Variants in EYS observed in about 807,000 individuals in gnomAD.
The protein encoded by EYS is protein eyes shut homolog.
A neutral mutation model predicts 282.1 loss-of-function variants in EYS; 250 were observed. That is an observed-to-expected ratio of 0.89 (90% CI 0.80 to 0.98). The LOEUF (loss-of-function observed/expected upper bound fraction) is 0.98, where lower values mean the gene tolerates loss of function less well. Ranked by LOEUF, EYS falls within the 50% of genes least tolerant of loss-of-function variation. EYS has a pLI of 0.00. For synonymous variants in EYS, 1,355 were observed against 1,282.9 expected (o/e 1.06, Z -1.20); for missense variants, 4,016 against 3,709.0 (o/e 1.08, Z -2.15).
chr6:65,477,605 T>G (rs900182422), intron 5 of EYS, among the ~76,000 whole-genome samples: 12 of 152,166 alleles, frequency 7.9e-5, no homozygotes, highest in Non-Finnish European at 1.6e-4. Flanking sequence ...GGAAGCCAAT[T>G]GACGCATTCA....
At chr6:64,118,508 CCTAT>C (rs1773465699) in intron 31 of EYS, among the ~76,000 whole-genome samples, 1 of 151,970 alleles carries the variant, frequency 6.6e-6, no homozygotes, top group South Asian at 2.1e-4. Flanking sequence ...AAACTAGATC[CCTAT>C]CTCTCACCAT....
intron 29 of EYS, among the ~76,000 whole-genome samples, chr6:64,336,413 C>T (rs1468811501): frequency 2.0e-5 from 3 of 152,058 alleles, no homozygotes; most frequent in African/African-American, 7.2e-5. Flanking sequence ...CCTTGTCCAA[C>T]AGGAAAATGT....
At chr6:64,880,381 C>A (rs1301001840) in intron 19 of EYS, among the ~76,000 whole-genome samples, 1 of 151,720 alleles carries the variant, frequency 6.6e-6, no homozygotes, top group African/African-American at 2.4e-5. Context: ...ATCAAAGCTT[C>A]TTTTTTGCTT....
intron 22 of EYS, among the ~76,000 whole-genome samples, chr6:64,704,024 T>A (rs1477481153): frequency 1.3e-5 from 2 of 152,004 alleles, no homozygotes; most frequent in African/African-American, 4.8e-5. Context: ...TAAACAGTTC[T>A]ACATCTAATA....
chr6:64,404,823 A>G (rs1380631607), intron 28 of EYS, among the ~76,000 whole-genome samples: 1 of 152,108 alleles, frequency 6.6e-6, no homozygotes, highest in African/African-American at 2.4e-5. Flanking sequence ...GGAACAGTAT[A>G]TACAAAAGTT....
At chr6:64,759,707 G>A (rs1583124991) in intron 22 of EYS, among the ~76,000 whole-genome samples, 2 of 152,198 alleles carry the variant, frequency 1.3e-5, no homozygotes. Flanking sequence ...ACAAATGATT[G>A]CAGGAATTCA....
intron 28 of EYS, among the ~76,000 whole-genome samples, chr6:64,391,852 C>T (rs1388598178): frequency 6.6e-6 from 1 of 152,162 alleles, no homozygotes; most frequent in African/African-American, 2.4e-5. Context: ...ACAGTCAAGT[C>T]CCTTCAGTGT....
chr6:64,221,301 A>G (rs1314728201), intron 31 of EYS, among the ~76,000 whole-genome samples: 1 of 152,120 alleles, frequency 6.6e-6, no homozygotes, highest in Non-Finnish European at 1.5e-5. Flanking sequence ...TTAGGTCACG[A>G]GGACAAAGTG....
At chr6:64,395,270 TC>T (rs1773320606) in intron 28 of EYS, among the ~76,000 whole-genome samples, 1 of 152,140 alleles carries the variant, frequency 6.6e-6, no homozygotes, top group Admixed American at 6.5e-5. Context: ...GACCCAGCCA[TC>T]CCATTACTGG....
chr6:65,076,139 T>G (rs1774044871), intron 12 of EYS, among the ~76,000 whole-genome samples: 1 of 152,148 alleles, frequency 6.6e-6, no homozygotes, highest in African/African-American at 2.4e-5. Context: ...TACATGCTAC[T>G]TATACAAATT....
At chr6:64,005,467 G>A (rs1261755246) in intron 33 of EYS, among the ~76,000 whole-genome samples, 2 of 152,042 alleles carry the variant, frequency 1.3e-5, no homozygotes, top group Non-Finnish European at 2.9e-5. Flanking sequence ...AAGCTCTTTA[G>A]TTTAATTAGG....
intron 35 of EYS, among the ~76,000 whole-genome samples, chr6:63,927,514 G>A (rs1764751115): frequency 6.6e-6 from 1 of 152,168 alleles, no homozygotes; most frequent in Admixed American, 6.5e-5. Context: ...GAATTGAGAT[G>A]GATGTTCCTT....
rs1422457506 is a variant in EYS at position 64,803,385 on chromosome 6, G to C, written c.3443+9993C>G. ...GGGGACTGAAGGTGTGTGTGTGGGGGGGTTGGTTTATGGGCTTTAGAAGGG... is the reference window on the plus strand; with the variant it reads ...GGGGACTGAAGGTGTGTGTGTGGGGCGGTTGGTTTATGGGCTTTAGAAGGG... On this transcript the variant is annotated intron_variant, in intron 22 of 42. Coordinates refer to ENST00000503581, the MANE Select transcript of EYS (RefSeq NM_001142800.2). Among the ~76,000 whole-genome samples, 4 of 151,680 alleles carry C rather than the reference G, an allele frequency of 2.6e-5. No individual in the cohort carries two copies. In the South Asian group the frequency reaches 8.4e-4, roughly 32 times the overall value.
chr6:65,086,258 T>C (rs1385862618), intron 12 of EYS, among the ~76,000 whole-genome samples: 1 of 151,904 alleles, frequency 6.6e-6, no homozygotes, highest in Non-Finnish European at 1.5e-5. Context: ...TGTGGTTGTA[T>C]TGAGCCGAGA....
chr6:63,950,525 G>C (rs1325961138), intron 35 of EYS, among the ~76,000 whole-genome samples: 1 of 151,990 alleles, frequency 6.6e-6, no homozygotes, highest in Admixed American at 6.6e-5. Flanking sequence ...CCTGCACCCA[G>C]GTGATTAAAA....
At chr6:65,384,299 A>T in intron 8 of EYS, 87 bp downstream of exon 8, 2 of 762,934 alleles carry the variant, frequency 2.6e-6, no homozygotes, top group South Asian at 2.9e-5. Flanking sequence ...TCTGGCTAAG[A>T]TTAATAAGAG....
At chr6:64,835,080 GA>G (rs1302856968) in intron 19 of EYS, among the ~76,000 whole-genome samples, 10 of 151,320 alleles carry the variant, frequency 6.6e-5, no homozygotes, top group South Asian at 2.1e-4. Context: ...GCTCTTGGAA[GA>G]AAAAAAATCA....
intron 31 of EYS, among the ~76,000 whole-genome samples, chr6:64,112,315 G>T (rs1773229449): frequency 6.6e-6 from 1 of 151,984 alleles, no homozygotes; most frequent in African/African-American, 2.4e-5. Context: ...AGCCAAGAAA[G>T]CTGTTGGTCA....
chr6:64,745,139 T>C (rs1322487281), intron 22 of EYS, among the ~76,000 whole-genome samples: 1 of 152,184 alleles, frequency 6.6e-6, no homozygotes, highest in African/African-American at 2.4e-5. Flanking sequence ...ATTTTTTTCT[T>C]TGAAACATTT....
Sources: allele counts gnomAD v4.1 joint callset (sites outside exome capture counted in the v4.1 genomes callset), GRCh38; gene constraint gnomAD v4.1.1; transcripts MANE v1.5; gene names NCBI Gene and HGNC (gene_info 2026-07-23, HGNC 2026-07-21).